Variants in RYR2 observed in about 807,000 individuals in gnomAD.
The protein encoded by RYR2 is cardiac muscle ryanodine receptor-calcium release channel.
RYR2 carries 227 observed loss-of-function variants against 601.1 expected under a neutral mutation model. The ratio of observed to expected loss-of-function variants is 0.38; its 90% CI spans 0.34 to 0.42. RYR2 has a LOEUF of 0.42. Among genes scored for constraint, RYR2 ranks in the 10% least tolerant of loss-of-function variants. The probability of loss-of-function intolerance (pLI) is 1.00; values close to 1 mark genes in which losing one functional copy is unlikely to be tolerated. For synonymous variants in RYR2, 2,223 were observed against 2,175.1 expected, an observed-to-expected ratio of 1.02 and a Z score of -0.61; for missense variants, 4,646 against 6,156.5, an observed-to-expected ratio of 0.75 and a Z score of 8.21.
At position 237,621,928 on chromosome 1, in the gene RYR2, G is replaced by A. The variant is rs142483124; in HGVS notation, c.5917-1837G>A. 4.5e-4 allele frequency among the ~76,000 whole-genome samples: 69 copies of A among 152,248 alleles called. No homozygotes were observed. The East Asian group carries it at 0.012, about 26-fold the overall frequency. On this transcript the variant is annotated intron_variant, in intron 38 of 104. Transcript: ENST00000366574. The stretch of plus-strand genomic sequence containing the variant: ...GTGTGCTCATGAAAAGGTAACAGGA[G>A]GGATCTTTGAGATAAAGGAATTATC...
intron 2 of RYR2, among the ~76,000 whole-genome samples, chr1:237,302,424 C>T (rs530447635): frequency 6.6e-6 from 1 of 152,252 alleles, no homozygotes; most frequent in African/African-American, 2.4e-5. Flanking sequence ...ACGAAAGATA[C>T]AATCATTATA....
In RYR2 at chr1:237,462,123, G is replaced by C. The variant is rs866821442; in HGVS notation, c.1612+5388G>C. Reference sequence around the variant, plus strand: ...GTATCTACCTTTCCTTCTTTATTTGGCTGTCAAAACCTTTGGTTCAAATAT... The same window carrying C: ...GTATCTACCTTTCCTTCTTTATTTGCCTGTCAAAACCTTTGGTTCAAATAT... On this transcript the variant is annotated intron_variant, in intron 16 of 104. Transcript: ENST00000366574. 2.0e-4 allele frequency among the ~76,000 whole-genome samples: 30 copies of C among 151,972 alleles called. 1 individual carries two copies. Among genetic ancestry groups the C allele is most frequent in the African/African-American group, 1.2e-4 (5 of 41,380 alleles).
At chr1:237,269,789 G>A (rs1398890643) in intron 1 of RYR2, among the ~76,000 whole-genome samples, 3 of 152,142 alleles carry the variant, frequency 2.0e-5, no homozygotes, top group Non-Finnish European at 4.4e-5. Flanking sequence ...CCTAAAGTCC[G>A]TGATTCCTGC....
At chr1:237,737,473 A>G (rs1428235790) in intron 79 of RYR2, among the ~76,000 whole-genome samples, 1 of 152,180 alleles carries the variant, frequency 6.6e-6, no homozygotes, top group East Asian at 1.9e-4. Flanking sequence ...CTGCCTTAGG[A>G]TCTTATACAT....
Position 237,594,886 on chromosome 1 carries a change from GTTTTTTTTTTTTTTT to G in RYR2, c.4437-581_4437-567del, listed in dbSNP as rs776702428. Among the ~76,000 whole-genome samples, 389 of 60,426 alleles carry G rather than the reference GTTTTTTTTTTTTTTT, an allele frequency of 6.4e-3. 12 individuals are homozygous for G. Among genetic ancestry groups the G allele is most frequent in the South Asian group, 0.023 (33 of 1,416 alleles). The allele number at this position is 60,426 out of a possible 152,430, so 39.6% of individuals were successfully genotyped here. On this transcript the variant is annotated intron_variant, in intron 33 of 104. Transcript: ENST00000366574. ...TGGCATTTGTGGTTAATATCACTGG[GTTTTTTTTTTTTTTT>G]TTTTTTTTTTTTTTTTTTTTTTTTT...
At chr1:237,344,359 G>A (rs1209916888) in intron 3 of RYR2, among the ~76,000 whole-genome samples, 1 of 152,120 alleles carries the variant, frequency 6.6e-6, no homozygotes, top group Non-Finnish European at 1.5e-5. Context: ...TTCTTACAAA[G>A]GAATCTAAAA....
intron 20 of RYR2, among the ~76,000 whole-genome samples, chr1:237,497,905 AGGCT>A (rs1404631901): frequency 6.6e-6 from 1 of 151,790 alleles, no homozygotes; most frequent in Non-Finnish European, 1.5e-5. Flanking sequence ...TCTGTTGCCC[AGGCT>A]GGAGTGCAGT....
intron 1 of RYR2, among the ~76,000 whole-genome samples, chr1:237,120,505 T>G (rs1229579433): frequency 6.6e-6 from 1 of 152,180 alleles, no homozygotes; most frequent in Non-Finnish European, 1.5e-5. Flanking sequence ...GATCAATAAA[T>G]GGTGACGATA....
chr1:237,756,991 G>C (rs1693012239), intron 81 of RYR2, among the ~76,000 whole-genome samples: 1 of 152,150 alleles, frequency 6.6e-6, no homozygotes, highest in South Asian at 2.1e-4. Context: ...GTAGCCAGCT[G>C]TTTCAAGATG....
intron 29 of RYR2, among the ~76,000 whole-genome samples, chr1:237,583,807 T>C (rs911080018): frequency 6.6e-6 from 1 of 152,190 alleles, no homozygotes; most frequent in Admixed American, 6.5e-5. Context: ...CCCTACATCT[T>C]TGGGACTGCT....
At position 237,784,004 on chromosome 1, in the gene RYR2, G is replaced by A. The variant is rs1047248475; in HGVS notation, c.12292G>A (p.Val4098Ile). The change falls in exon 90 of 105, where the codon GTC becomes ATC. Residue 4098 changes from valine to isoleucine, a missense_variant. Around this residue, in one of 17 missense-constraint regions of RYR2, gnomAD observed 70 missense variants for 164.6 expected, o/e 0.43. Coordinates refer to ENST00000366574, the MANE Select transcript of RYR2 (RefSeq NM_001035.3). The surrounding 1 kb of genome is among the most constrained non-coding windows in gnomAD (Gnocchi z 7.1). ...HEPAKDIGFN[V>I]AVLLTNLSEH... ...ACCTGCGAAGGACATCGGCTTCAAC[G>A]TCGCCGTCCTTCTGACAAACCTCTC... is the stretch of plus-strand genomic sequence containing the variant. The A allele has an allele frequency of 3.7e-6, 6 of 1,613,758 alleles. No homozygotes were observed. The highest frequency in any genetic ancestry group is 1.3e-5 in the African/African-American group (1 of 74,924).
rs16835291 is a variant in RYR2, at chr1:237,476,015, C to T, written c.1708+6828C>T. Among the ~76,000 whole-genome samples the T allele has an allele frequency of 6.2e-3, 939 of 152,272 alleles. 13 individuals carry two copies. Among genetic ancestry groups the T allele is most frequent in the African/African-American group, 0.022 (895 of 41,556 alleles). On this transcript the variant is annotated intron_variant, in intron 17 of 104. Coordinates refer to ENST00000366574, the MANE Select transcript of RYR2 (RefSeq NM_001035.3). ...CTGGATGTTCTCAGTCCTTGAAATA[C>T]GATTTGGGGGCAAGAGATAGCTGAC...
At chr1:237,795,800 G>A (rs1015992637) in intron 96 of RYR2, among the ~76,000 whole-genome samples, 12 of 146,010 alleles carry the variant, frequency 8.2e-5, no homozygotes, top group South Asian at 6.4e-4. Context: ...GGTGGCTCAC[G>A]CCTGTATGTA....
At chr1:237,694,528 GATTTAACTT>G (rs1687244156) in intron 63 of RYR2, among the ~76,000 whole-genome samples, 1 of 151,890 alleles carries the variant, frequency 6.6e-6, no homozygotes, top group Non-Finnish European at 1.5e-5. Context: ...CTATTTCCTG[GATTTAACTT>G]ATTATATATA....
At chr1:237,713,477 A>G (rs1270314699) in intron 71 of RYR2, among the ~76,000 whole-genome samples, 1 of 151,980 alleles carries the variant, frequency 6.6e-6, no homozygotes, top group African/African-American at 2.4e-5. Context: ...GCTCACTGCA[A>G]CCTCTGCCTC....
chr1:237,711,721 G>A (rs780412071), intron 70 of RYR2, 24 bp from the exon 71 acceptor site: 2 of 1,354,760 alleles, frequency 1.5e-6, no homozygotes, highest in Admixed American at 3.6e-5. Context: ...GGTTTTAACT[G>A]AAATTTCCTT....
At chr1:237,404,114 C>T in intron 10 of RYR2, among the ~76,000 whole-genome samples, 1 of 152,066 alleles carries the variant, frequency 6.6e-6, no homozygotes, top group Non-Finnish European at 1.5e-5. Context: ...ATCAGCCAGG[C>T]CTGGTGGCAT....
intron 2 of RYR2, among the ~76,000 whole-genome samples, chr1:237,289,601 G>A (rs1055094522): frequency 6.6e-6 from 1 of 152,124 alleles, no homozygotes; most frequent in Non-Finnish European, 1.5e-5. Context: ...CAGCATGGGG[G>A]TAACCATCAC....
chr1:237,358,555 T>C (rs899485049), intron 4 of RYR2, among the ~76,000 whole-genome samples: 6 of 152,088 alleles, frequency 3.9e-5, no homozygotes, highest in African/African-American at 1.4e-4. Context: ...AACTCTGACC[T>C]GAGCTTCTCT....
Sources: gnomAD v4.1 joint callset for allele counts (sites outside exome capture counted in the v4.1 genomes callset) on GRCh38, gnomAD v4.1.1 for gene constraint, gnomAD v4.1.1 regional missense constraint, Gnocchi (gnomAD v3.1) non-coding constraint, MANE v1.5 for transcripts, NCBI Gene and HGNC (gene_info 2026-07-23, HGNC 2026-07-21) for gene names.